GNAO1: variants seen among roughly 807,000 people sequenced by gnomAD.
GNAO1 encodes the protein guanine nucleotide-binding protein G(o) subunit alpha.
For synonymous variants in GNAO1, 164 were observed against 180.7 expected (o/e 0.91, Z 0.74); for missense variants, 166 against 478.7 (o/e 0.35, Z 6.10).
chr16:56,348,269 G>A (rs1329486972), intron 6 of GNAO1: 9 of 818,200 alleles, frequency 1.1e-5, no homozygotes, highest in African/African-American at 1.9e-5. Flanking sequence ...GTGTGTCCTC[G>A]GGCCCTGCCC....
chr16:56,324,602 C>G (rs748609136), intron 3 of GNAO1, among the ~76,000 whole-genome samples: 3 of 152,242 alleles, frequency 2.0e-5, no homozygotes, highest in African/African-American at 7.2e-5. Context: ...CACCCCTGCT[C>G]ACCCACCTGC....
At chr16:56,199,803 G>C (rs980514766) in intron 2 of GNAO1, among the ~76,000 whole-genome samples, 1 of 152,178 alleles carries the variant, frequency 6.6e-6, no homozygotes, top group African/African-American at 2.4e-5. Flanking sequence ...TTTATCTGCT[G>C]AGCCATCTTT....
chr16:56,285,748 T>C (rs573281223), intron 3 of GNAO1, among the ~76,000 whole-genome samples: 2 of 152,360 alleles, frequency 1.3e-5, no homozygotes, highest in African/African-American at 2.4e-5. Context: ...AAGACAATTA[T>C]AGGATTTACA....
chr16:56,328,070 C>T (rs1408623806), intron 3 of GNAO1, among the ~76,000 whole-genome samples: 1 of 152,208 alleles, frequency 6.6e-6, no homozygotes, highest in Non-Finnish European at 1.5e-5. Context: ...TCCTGAGGCA[C>T]AGCCCCGCTG....
intron 6 of GNAO1, chr16:56,343,896 T>G (rs1347798085): frequency 6.2e-7 from 1 of 1,614,072 alleles, no homozygotes; most frequent in Non-Finnish European, 8.5e-7. Flanking sequence ...TTGTCTTTGA[T>G]GCTGTGACGG....
rs1192982981 is a variant in GNAO1 at position 56,235,433 on chromosome 16, A to G, written c.162-40498A>G. On this transcript the variant is annotated intron_variant, in intron 2 of 8. Transcript: ENST00000262493. ...AGGCCGGCGGGACACTACGCAGTCCAGGCAAGGGGCTCTGCTGCTGCAGCC... is the reference window on the plus strand; with the variant it reads ...AGGCCGGCGGGACACTACGCAGTCCGGGCAAGGGGCTCTGCTGCTGCAGCC... The G allele has an allele frequency of 1.5e-5, 7 of 455,842 alleles. No individual in the cohort carries two copies. The East Asian group carries it at 4.2e-4, about 27-fold the overall frequency. 28.2% of individuals were successfully genotyped at this position (455,842 alleles called of 1,614,324 possible).
intron 6 of GNAO1, among the ~76,000 whole-genome samples, chr16:56,341,373 A>G (rs1298708875): frequency 2.0e-5 from 3 of 152,236 alleles, no homozygotes; most frequent in Non-Finnish European, 4.4e-5. Context: ...ACTCACAAGC[A>G]GCTCAGGCAG....
intron 3 of GNAO1, chr16:56,300,710 A>T (rs965790668): frequency 3.3e-5 from 5 of 152,346 alleles, no homozygotes; most frequent in Middle Eastern, 3.4e-3. Flanking sequence ...TGACCAAAAA[A>T]AATAATATTT....
At chr16:56,205,220 G>T (rs114375927) in intron 2 of GNAO1, among the ~76,000 whole-genome samples, 1,821 of 152,300 alleles carry the variant, frequency 0.012, 42 homozygotes, top group African/African-American at 0.042. Context: ...GTTTGACGCT[G>T]TTCCACAGGG....
chr16:56,351,359 C>G lies in GNAO1; in HGVS notation c.724-25C>G. 1 of 1,592,528 alleles carries G rather than the reference C, an allele frequency of 6.3e-7. No individual in the cohort carries two copies. The highest frequency in any genetic ancestry group is 8.6e-7 in the Non-Finnish European group (1 of 1,161,394). On this transcript the variant is annotated intron_variant, in intron 6 of 8. Transcript: ENST00000262493. This position sits in a 1 kb window ranked among gnomAD's most constrained non-coding sequence, Gnocchi z 6.1. ...GTGTCTCCCTCCCGCTGTCTGTCCTCTCTCCTCCCTTCCTGCGGCCGCAGA... is the reference window on the plus strand; with the variant it reads ...GTGTCTCCCTCCCGCTGTCTGTCCTGTCTCCTCCCTTCCTGCGGCCGCAGA...
chr16:56,230,208 G>A (rs1301035655), intron 2 of GNAO1, among the ~76,000 whole-genome samples: 3 of 152,112 alleles, frequency 2.0e-5, no homozygotes, highest in East Asian at 1.9e-4. Flanking sequence ...GTGCACCTAC[G>A]AGCTGCCCAG....
intron 4 of GNAO1, among the ~76,000 whole-genome samples, chr16:56,331,344 G>A (rs993491440): frequency 1.3e-5 from 2 of 152,164 alleles, no homozygotes; most frequent in African/African-American, 2.4e-5. Flanking sequence ...CTGGGGCCTG[G>A]TTGGCATTGG....
intron 3 of GNAO1, among the ~76,000 whole-genome samples, chr16:56,309,868 A>G (rs1214369638): frequency 6.6e-6 from 1 of 152,252 alleles, no homozygotes; most frequent in Non-Finnish European, 1.5e-5. Context: ...TGATGGATTA[A>G]CATGTTGATT....
chr16:56,320,167 G>A (rs899234), intron 3 of GNAO1, among the ~76,000 whole-genome samples: 121,316 of 152,092 alleles, frequency 0.8, 48,846 homozygotes, highest in East Asian at 0.95. Context: ...CTTACTGTTA[G>A]CATTCAGAAA....
At position 56,275,883 on chromosome 16, in the gene GNAO1, A is replaced by G. The variant is rs78190585; in HGVS notation, c.162-48A>G. 1.0e-3 allele frequency: 1,546 copies of G among 1,540,976 alleles called. 12 individuals carry two copies. In the African/African-American group the frequency reaches 0.019, roughly 19 times the overall value. On this transcript the variant is annotated intron_variant, in intron 2 of 8. Coordinates refer to ENST00000262493, the MANE Select transcript of GNAO1 (RefSeq NM_020988.3). ...TCTCATGCCTGTGCTCTCTGTGTTG[A>G]TGAGGACAATGCTCTCATCAGGTGT... is the stretch of plus-strand genomic sequence containing the variant.
rs188896415 is a variant in GNAO1, at chr16:56,280,307, G to A, written c.303+4235G>A. On this transcript the variant is annotated intron_variant, in intron 3 of 8. Transcript: ENST00000262493. ...GCAGTATAGGTGAGCAAAGGCCCTTGAAGCCAGGAAAAAAACATGGTTGGT... is the reference window on the plus strand; with the variant it reads ...GCAGTATAGGTGAGCAAAGGCCCTTAAAGCCAGGAAAAAAACATGGTTGGT... Among the ~76,000 whole-genome samples the A allele has an allele frequency of 2.0e-4, 30 of 152,328 alleles. No homozygotes were observed. In the East Asian group the frequency reaches 4.6e-3, roughly 24 times the overall value.
At chr16:56,316,999 CT>C (rs1471912484) in intron 3 of GNAO1, among the ~76,000 whole-genome samples, 2 of 152,362 alleles carry the variant, frequency 1.3e-5, no homozygotes, top group East Asian at 3.9e-4. Flanking sequence ...TTCCCACCCC[CT>C]GGCCCCTGGT....
chr16:56,202,849 A>G (rs941060034), intron 2 of GNAO1, among the ~76,000 whole-genome samples: 7 of 152,246 alleles, frequency 4.6e-5, no homozygotes, highest in African/African-American at 1.4e-4. Flanking sequence ...TCTCACACCT[A>G]TTATGCATTA....
chr16:56,264,996 C>T (rs4784649), intron 2 of GNAO1, among the ~76,000 whole-genome samples: 80,833 of 151,924 alleles, frequency 0.53, 21,721 homozygotes, highest in East Asian at 0.68. Flanking sequence ...CCATTTGTGC[C>T]CAAGTTATTC....
Sources: allele counts gnomAD v4.1 joint callset (sites outside exome capture counted in the v4.1 genomes callset), GRCh38; gene constraint gnomAD v4.1.1; non-coding constraint Gnocchi (gnomAD v3.1); transcripts MANE v1.5; gene names NCBI Gene and HGNC (gene_info 2026-07-23, HGNC 2026-07-21).